Variants in MAGI1 observed in about 807,000 individuals in gnomAD.
MAGI1 encodes membrane-associated guanylate kinase, WW and PDZ domain-containing protein 1.
In MAGI1, 58 loss-of-function variants were observed where a neutral mutation model predicts 139.9. The observed-to-expected ratio is 0.41, with a 90% CI of 0.34 to 0.52. The LOEUF is 0.52. MAGI1 is among the 20% of genes least tolerant of loss of function. The probability of loss-of-function intolerance (pLI) is 0.12; values close to 1 mark genes in which losing one functional copy is unlikely to be tolerated. For synonymous variants in MAGI1, 812 were observed against 737.9 expected (o/e 1.10, Z -1.63); for missense variants, 1,874 against 1,901.6 (o/e 0.99, Z 0.27).
chr3:65,587,000 C>T (rs76273363), intron 2 of MAGI1, among the ~76,000 whole-genome samples: 20,535 of 152,158 alleles, frequency 0.13, 1,658 homozygotes, highest in Middle Eastern at 0.18. Context: ...GGAAGAGGCA[C>T]TGTAAGAACA....
intron 2 of MAGI1, among the ~76,000 whole-genome samples, chr3:65,497,509 A>G (rs1276178546): frequency 3.9e-5 from 6 of 152,176 alleles, no homozygotes; most frequent in African/African-American, 1.4e-4. Flanking sequence ...GATCTGTCCT[A>G]AATATGTTCT....
intron 2 of MAGI1, among the ~76,000 whole-genome samples, chr3:65,578,064 C>T (rs915228910): frequency 6.6e-6 from 1 of 152,208 alleles, no homozygotes; most frequent in African/African-American, 2.4e-5. Context: ...GCTTGTTGAG[C>T]GACTGACGGG....
chr3:65,769,674 G>C (rs1383157253), intron 1 of MAGI1, among the ~76,000 whole-genome samples: 1 of 152,084 alleles, frequency 6.6e-6, no homozygotes, highest in Non-Finnish European at 1.5e-5. Context: ...TTCCCTATTT[G>C]ACTTTGATGA....
At chr3:65,684,681 C>T (rs1426355846) in intron 1 of MAGI1, among the ~76,000 whole-genome samples, 2 of 151,778 alleles carry the variant, frequency 1.3e-5, no homozygotes, top group Non-Finnish European at 2.9e-5. Context: ...CTGGGGAAAT[C>T]TGACTACACT....
chr3:65,397,186 G>C (rs890965690), intron 13 of MAGI1, among the ~76,000 whole-genome samples: 2 of 152,188 alleles, frequency 1.3e-5, no homozygotes, highest in South Asian at 4.1e-4. Context: ...AGTGGCATCA[G>C]GGAAAAGGAA....
At chr3:65,910,775 T>C (rs2061626809) in intron 1 of MAGI1, among the ~76,000 whole-genome samples, 1 of 151,566 alleles carries the variant, frequency 6.6e-6, no homozygotes, top group South Asian at 2.1e-4. Flanking sequence ...GGTCCTGACC[T>C]AGTAGTTAAA....
chr3:65,401,372 T>TACC, intron 13 of MAGI1, 67 bp downstream of exon 13: 117 of 777,940 alleles, frequency 1.5e-4, no homozygotes, highest in East Asian at 2.7e-4. Context: ...CAGAGTACCC[T>TACC]CCCACCTCCA....
chr3:66,026,037 CT>C (rs528015727), intron 1 of MAGI1, among the ~76,000 whole-genome samples: 144 of 141,554 alleles, frequency 1.0e-3, no homozygotes, highest in Admixed American at 9.3e-4. Context: ...CCGGAGAAAG[CT>C]TTTTTTTTTT....
intron 1 of MAGI1, among the ~76,000 whole-genome samples, chr3:66,033,598 C>T (rs2068759753): frequency 6.6e-6 from 1 of 152,084 alleles, no homozygotes; most frequent in African/African-American, 2.4e-5. Flanking sequence ...CAAAACAATA[C>T]CAAAACAAAA....
At position 65,564,722 on chromosome 3, in the gene MAGI1, T is replaced by C. The variant is rs181068584; in HGVS notation, c.430+57250A>G. Among the ~76,000 whole-genome samples, 56 of 152,330 alleles carry C rather than the reference T, an allele frequency of 3.7e-4. 3 individuals are homozygous for C. In the East Asian group the frequency reaches 0.011, roughly 29 times the overall value. On this transcript the variant is annotated intron_variant, in intron 2 of 22. Coordinates refer to ENST00000402939, the MANE Select transcript of MAGI1 (RefSeq NM_001033057.2). ...TGTGTGCATTCCGATGTCCTAACAGTACTCTAACCTGCAGCTAGGGTCTTT... is the reference window on the plus strand; with the variant it reads ...TGTGTGCATTCCGATGTCCTAACAGCACTCTAACCTGCAGCTAGGGTCTTT...
intron 1 of MAGI1, among the ~76,000 whole-genome samples, chr3:65,914,830 A>G (rs2108691082): frequency 6.6e-6 from 1 of 152,356 alleles, no homozygotes; most frequent in South Asian, 2.1e-4. Flanking sequence ...TCAATTGCTT[A>G]GAGTAACCTG....
intron 2 of MAGI1, among the ~76,000 whole-genome samples, chr3:65,618,302 A>G: frequency 6.6e-6 from 1 of 152,152 alleles, no homozygotes; most frequent in Middle Eastern, 3.2e-3. Context: ...CATGTTTACA[A>G]GCATTGCAAA....
At chr3:65,985,095 TTC>T (rs1485846038) in intron 1 of MAGI1, among the ~76,000 whole-genome samples, 1 of 152,186 alleles carries the variant, frequency 6.6e-6, no homozygotes, top group Non-Finnish European at 1.5e-5. Flanking sequence ...ATGTGTGACT[TTC>T]AAAAGGCTCT....
intron 1 of MAGI1, among the ~76,000 whole-genome samples, chr3:65,884,756 A>G (rs924520685): frequency 6.6e-6 from 1 of 152,034 alleles, no homozygotes; most frequent in African/African-American, 2.4e-5. Flanking sequence ...CTCCATCCCC[A>G]CTTTGGGAGG....
chr3:65,844,210 G>A (rs2058906268), intron 1 of MAGI1: 1 of 498,078 alleles, frequency 2.0e-6, no homozygotes, highest in African/African-American at 1.9e-5. Flanking sequence ...TTAAGAGTTT[G>A]GATATAGATT....
At chr3:65,944,832 A>T (rs2063480059) in intron 1 of MAGI1, among the ~76,000 whole-genome samples, 1 of 152,234 alleles carries the variant, frequency 6.6e-6, no homozygotes, top group Non-Finnish European at 1.5e-5. Context: ...GGATAACCCA[A>T]CAATAGGGAA....
chr3:65,730,249 A>T (rs1415117262), intron 1 of MAGI1, among the ~76,000 whole-genome samples: 2 of 152,140 alleles, frequency 1.3e-5, no homozygotes. Flanking sequence ...TATCTCACAA[A>T]ATCTGGAAGT....
intron 2 of MAGI1, among the ~76,000 whole-genome samples, chr3:65,584,655 T>G (rs1343757014): frequency 6.6e-6 from 1 of 152,102 alleles, no homozygotes; most frequent in Non-Finnish European, 1.5e-5. Context: ...TAAAAATAAA[T>G]TTGAAGTGTG....
chr3:65,834,776 A>G (rs2042716773), intron 1 of MAGI1, among the ~76,000 whole-genome samples: 1 of 152,234 alleles, frequency 6.6e-6, no homozygotes, highest in African/African-American at 2.4e-5. Context: ...TTGCATAGGC[A>G]TTTAGAATTG....
Sources: gnomAD v4.1 joint callset for allele counts (sites outside exome capture counted in the v4.1 genomes callset) on GRCh38, gnomAD v4.1.1 for gene constraint, MANE v1.5 for transcripts, NCBI Gene and HGNC (gene_info 2026-07-23, HGNC 2026-07-21) for gene names.